Variants in VBP1 observed in about 807,000 individuals in gnomAD.
The protein encoded by VBP1 is prefoldin subunit 3.
Under a neutral mutation model 15.5 loss-of-function variants are expected in VBP1, and 4 were observed. The observed-to-expected ratio is 0.26, with a 90% CI of 0.13 to 0.59. The LOEUF (loss-of-function observed/expected upper bound fraction) is 0.59. Ranked by LOEUF, VBP1 falls within the 20% of genes least tolerant of loss-of-function variation. VBP1 has a pLI of 0.90. For synonymous variants in VBP1, 61 were observed against 52.1 expected (o/e 1.17, Z -0.74); for missense variants, 108 against 139.6 (o/e 0.77, Z 1.14).
upstream of VBP1, chrX:155,216,238 T>TA: frequency 1.8e-6 from 1 of 559,417 alleles, no homozygotes; most frequent in Non-Finnish European, 2.7e-6. Context: ...TATGGGTTTT[T>TA]CCTGTCGCTC....
At chrX:155,227,326 A>G (rs2074724032) in intron 3 of VBP1, 25 bp downstream of exon 3, 1 of 1,071,655 alleles carries the variant, frequency 9.3e-7, no homozygotes, top group Middle Eastern at 2.5e-4. Flanking sequence ...GTTTGTAAAT[A>G]TGAGCAAGCT....
chrX:155,209,655 T>C (rs782155134), intron 2 of VBP1, among the ~76,000 whole-genome samples: 7 of 111,702 alleles, frequency 6.3e-5, no homozygotes, highest in African/African-American at 1.3e-4. Flanking sequence ...CAGGTGTCCA[T>C]TGTCTCAGAG....
chrX:155,215,226 A>G (rs1412485044), upstream of VBP1, among the ~76,000 whole-genome samples: 1 of 111,898 alleles, frequency 8.9e-6, no homozygotes, highest in Non-Finnish European at 1.9e-5. Flanking sequence ...TACTTTTCAA[A>G]AACAAAATTT....
At chrX:155,223,175 A>G (rs1392191147) in intron 2 of VBP1, among the ~76,000 whole-genome samples, 1 of 73,393 alleles carries the variant, frequency 1.4e-5, no homozygotes, top group East Asian at 4.3e-4. Context: ...TTCTGTTCAT[A>G]AGTGAGTTCA....
intron 1 of VBP1, among the ~76,000 whole-genome samples, chrX:155,205,174 A>G (rs1430311999): frequency 8.9e-6 from 1 of 112,427 alleles, no homozygotes; most frequent in African/African-American, 3.2e-5. Context: ...ATTTTATGCA[A>G]TACAATACAG....
At chrX:155,207,767 C>A (rs1465657358) in intron 1 of VBP1, among the ~76,000 whole-genome samples, 1 of 111,765 alleles carries the variant, frequency 8.9e-6, no homozygotes, top group Non-Finnish European at 1.9e-5. Context: ...TCAGTTGGGA[C>A]CCTATCTCTA....
intron 2 of VBP1, among the ~76,000 whole-genome samples, chrX:155,225,326 T>C (rs782754248): frequency 4.5e-5 from 5 of 111,725 alleles, no homozygotes; most frequent in African/African-American, 1.6e-4. Context: ...CCCAAGTAGC[T>C]GGGATTACAA....
At chrX:155,197,198 T>C (rs1557306751) in intron 1 of VBP1, 1 of 112,072 alleles carries the variant, frequency 8.9e-6, no homozygotes, top group East Asian at 2.8e-4. Flanking sequence ...GTTTTGTTTA[T>C]GCAGTACAGA....
At position 155,236,438 on chromosome X, in the gene VBP1, G is replaced by C. The variant is rs937973270; in HGVS notation, c.523+71G>C. 8.1e-6 allele frequency: 9 copies of C among 1,107,250 alleles called. No homozygotes were observed. The African/African-American group carries it at 1.7e-4, about 20-fold the overall frequency. 91.2% of individuals were successfully genotyped at this position (1,107,250 alleles called of 1,213,427 possible). A position where few individuals can be genotyped will look rare whatever the true frequency, so the allele number is the denominator to read the frequency against. On this transcript the variant is annotated intron_variant, in intron 5 of 5. Coordinates refer to ENST00000286428, the MANE Select transcript of VBP1 (RefSeq NM_003372.7). ...TTTTTTAAAAAAACATTCTTTCATG[G>C]GCAGAGGGAGAGCATTAGGAAAAAT...
intron 2 of VBP1, among the ~76,000 whole-genome samples, chrX:155,223,799 C>T (rs782438100): frequency 2.8e-5 from 3 of 105,484 alleles, no homozygotes; most frequent in Non-Finnish European, 3.9e-5. Context: ...CCCCACCTCC[C>T]GGACGGGGCG....
intron 1 of VBP1, 115 bp downstream of exon 1, chrX:155,216,690 G>A (rs782329721): frequency 2.9e-6 from 3 of 1,021,686 alleles, no homozygotes; most frequent in East Asian, 3.4e-5. Context: ...TGTTCAGGGA[G>A]GGGGCGCTCG....
intron 4 of VBP1, among the ~76,000 whole-genome samples, chrX:155,230,171 C>T (rs1194827914): frequency 9.0e-6 from 1 of 111,580 alleles, no homozygotes; most frequent in Non-Finnish European, 1.9e-5. Context: ...CTAGCCTCCT[C>T]TCTTAGCTTT....
At chrX:155,229,740 C>A in intron 4 of VBP1, among the ~76,000 whole-genome samples, 1 of 111,882 alleles carries the variant, frequency 8.9e-6, no homozygotes, top group Non-Finnish European at 1.9e-5. Context: ...ATGTTTAAAT[C>A]CTCATTTCAC....
At position 155,220,050 on chromosome X, in the gene VBP1, T is replaced by A. The variant is rs1295215889; in HGVS notation, c.94-133T>A. 9.0e-6 allele frequency: 5 copies of A among 553,728 alleles called. No individual in the cohort carries two copies. In the East Asian group the frequency reaches 1.3e-4, roughly 14 times the overall value. The allele number at this position is 553,728 out of a possible 1,213,427, so 45.6% of individuals were successfully genotyped here. The stretch of plus-strand genomic sequence containing the variant: ...ATTTTAGATAAGGGTGCTTAACCTG[T>A]ACTTTTAGTTAAAAACAAACCTTTG... On this transcript the variant is annotated intron_variant, in intron 1 of 5. Transcript: ENST00000286428.
At chrX:155,198,551 G>C in intron 1 of VBP1, among the ~76,000 whole-genome samples, 1 of 111,423 alleles carries the variant, frequency 9.0e-6, no homozygotes, top group Non-Finnish European at 1.9e-5. Context: ...TGAGGGTCCT[G>C]TCTGTTAGAA....
chrX:155,199,904 A>T (rs2074595117), intron 1 of VBP1, among the ~76,000 whole-genome samples: 1 of 111,282 alleles, frequency 9.0e-6, no homozygotes, highest in Non-Finnish European at 1.9e-5. Context: ...AAATAAAAGG[A>T]TGGAGGAAGA....
At chrX:155,204,723 C>A (rs1461639818) in intron 1 of VBP1, among the ~76,000 whole-genome samples, 22 of 111,699 alleles carry the variant, frequency 2.0e-4, no homozygotes, top group African/African-American at 7.1e-4. Context: ...ATAGATAATC[C>A]AAAATAGGAA....
chrX:155,200,523 G>A (rs1166834292), intron 1 of VBP1, among the ~76,000 whole-genome samples: 2 of 110,927 alleles, frequency 1.8e-5, no homozygotes, highest in Admixed American at 9.6e-5. Context: ...GGTACATAAC[G>A]AAATGAAGGC....
At chrX:155,221,274 G>A (rs1187279075) in intron 2 of VBP1, among the ~76,000 whole-genome samples, 5 of 111,552 alleles carry the variant, frequency 4.5e-5, no homozygotes, top group African/African-American at 1.6e-4. Flanking sequence ...GAAGGTTGTA[G>A]TGAGCCGAGA....
Sources: gnomAD v4.1 joint callset for allele counts (sites outside exome capture counted in the v4.1 genomes callset) on GRCh38, gnomAD v4.1.1 for gene constraint, MANE v1.5 for transcripts, NCBI Gene and HGNC (gene_info 2026-07-23, HGNC 2026-07-21) for gene names.